DGKB: variants seen among roughly 807,000 people sequenced by gnomAD.
DGKB encodes the protein 90 kDa diacylglycerol kinase.
DGKB carries 67 observed loss-of-function variants against 114.3 expected under a neutral mutation model. The ratio of observed to expected loss-of-function variants is 0.59; its 90% CI spans 0.48 to 0.72. The LOEUF is 0.72. DGKB is among the 30% of genes least tolerant of loss of function. The pLI, the probability that DGKB is intolerant of heterozygous loss-of-function variation, is 0.00. For missense variants in DGKB, 907 were observed against 975.2 expected (o/e 0.93, Z 0.93); for synonymous variants, 398 against 323.1 (o/e 1.23, Z -2.49).
At chr7:14,714,776 CAAATAAG>C in intron 6 of DGKB, among the ~76,000 whole-genome samples, 1 of 152,054 alleles carries the variant, frequency 6.6e-6, no homozygotes, top group African/African-American at 2.4e-5. Context: ...AGTATAGGAG[CAAATAAG>C]TTGAATGTCT....
intron 13 of DGKB, among the ~76,000 whole-genome samples, chr7:14,672,646 A>C (rs1819156551): frequency 6.6e-6 from 1 of 152,056 alleles, no homozygotes; most frequent in Non-Finnish European, 1.5e-5. Context: ...TAAAATGTTG[A>C]AGTCTTCTGC....
chr7:14,519,145 A>C (rs1235595794), intron 20 of DGKB, among the ~76,000 whole-genome samples: 3 of 152,114 alleles, frequency 2.0e-5, no homozygotes, highest in Non-Finnish European at 2.9e-5. Flanking sequence ...ACAATTCAAT[A>C]TTTTTTGGTA....
chr7:14,725,748 A>G (rs1829927036), intron 5 of DGKB, among the ~76,000 whole-genome samples: 1 of 152,038 alleles, frequency 6.6e-6, no homozygotes, highest in Non-Finnish European at 1.5e-5. Context: ...GAGTTTCACC[A>G]TGTTGGCCAG....
chr7:14,801,758 C>T lies in DGKB; in HGVS notation c.70+39436G>A, dbSNP rs114894077. The stretch of plus-strand genomic sequence containing the variant: ...AGCTTGTAGAAGGCACATTGAGGGA[C>T]TTTACAACCTCCATAATCTTATTAG... On this transcript the variant is annotated intron_variant, in intron 2 of 25. Transcript: ENST00000402815. 4.6e-3 allele frequency among the ~76,000 whole-genome samples: 702 copies of T among 151,996 alleles called. 4 individuals carry two copies. Among genetic ancestry groups the T allele is most frequent in the African/African-American group, 0.016 (671 of 41,450 alleles).
At chr7:14,285,275 C>T (rs1256762528) in intron 23 of DGKB, among the ~76,000 whole-genome samples, 1 of 152,182 alleles carries the variant, frequency 6.6e-6, no homozygotes, top group Admixed American at 6.5e-5. Flanking sequence ...AGACGTGCAA[C>T]TTACTAGCTT....
At chr7:14,660,652 C>T (rs1328618807) in intron 13 of DGKB, among the ~76,000 whole-genome samples, 1 of 151,468 alleles carries the variant, frequency 6.6e-6, no homozygotes, top group South Asian at 2.1e-4. Context: ...AATTTTGATG[C>T]CATCCCCATC....
intron 13 of DGKB, among the ~76,000 whole-genome samples, chr7:14,664,821 A>G (rs915303959): frequency 2.0e-5 from 3 of 151,830 alleles, no homozygotes; most frequent in Non-Finnish European, 4.4e-5. Context: ...ATTGCAGGAA[A>G]GAAGACAACT....
chr7:14,655,276 ATATAAAAAATGT>A lies in DGKB; in HGVS notation c.1134+17641_1134+17652del, dbSNP rs113845707. Among the ~76,000 whole-genome samples, 705 of 151,978 alleles carry A rather than the reference ATATAAAAAATGT, an allele frequency of 4.6e-3. 2 individuals are homozygous for A. The highest frequency in any genetic ancestry group is 0.016 in the African/African-American group (648 of 41,536). On this transcript the variant is annotated intron_variant, in intron 13 of 25. Transcript: ENST00000402815. ...GAAGAAATACAAATGGCCAAAAAGT[ATATAAAAAATGT>A]TCAGCATCACTAATCATCAGGGAAA...
At chr7:14,314,029 C>G (rs1197920369) in intron 23 of DGKB, among the ~76,000 whole-genome samples, 1 of 152,204 alleles carries the variant, frequency 6.6e-6, no homozygotes, top group Non-Finnish European at 1.5e-5. Flanking sequence ...CACACTGACA[C>G]CTCACACTGC....
intron 23 of DGKB, among the ~76,000 whole-genome samples, chr7:14,266,464 C>T (rs1264353437): frequency 6.6e-6 from 1 of 152,092 alleles, no homozygotes. Context: ...TTAAAGAAAG[C>T]TAATATATTG....
chr7:14,532,538 T>A (rs1791765217), intron 20 of DGKB, among the ~76,000 whole-genome samples: 2 of 151,434 alleles, frequency 1.3e-5, no homozygotes, highest in Non-Finnish European at 3.0e-5. Context: ...GTGTTAGAGA[T>A]GCACAGTTAT....
chr7:14,522,335 C>G (rs545130019), intron 20 of DGKB, among the ~76,000 whole-genome samples: 6 of 152,258 alleles, frequency 3.9e-5, no homozygotes, highest in Non-Finnish European at 7.4e-5. Flanking sequence ...TGCACATAAA[C>G]TCCAGTCAAC....
chr7:14,219,340 T>G (rs1371120826), intron 23 of DGKB, among the ~76,000 whole-genome samples: 2 of 151,880 alleles, frequency 1.3e-5, no homozygotes, highest in Non-Finnish European at 2.9e-5. Context: ...TTTGATAAAC[T>G]TGAAAGAATG....
At chr7:14,972,683 A>G (rs1423636445) in intron 1 of DGKB, among the ~76,000 whole-genome samples, 1 of 152,000 alleles carries the variant, frequency 6.6e-6, no homozygotes, top group Non-Finnish European at 1.5e-5. Context: ...AAAAAAAAAA[A>G]AAGACAAAAT....
chr7:14,546,774 T>C (rs1443225685), intron 20 of DGKB, among the ~76,000 whole-genome samples: 4 of 152,188 alleles, frequency 2.6e-5, no homozygotes, highest in Non-Finnish European at 5.9e-5. Context: ...ATTAATGATG[T>C]TGTTAAGTTT....
At chr7:14,754,036 G>C (rs1834500067) in intron 3 of DGKB, 88 bp from the exon 4 acceptor site, 1 of 978,038 alleles carries the variant, frequency 1.0e-6, no homozygotes, top group Middle Eastern at 2.1e-4. Flanking sequence ...TTAGCTAAAA[G>C]TTCAAGTTTA....
chr7:14,651,199 G>C (rs1282352406), intron 13 of DGKB, among the ~76,000 whole-genome samples: 3 of 152,132 alleles, frequency 2.0e-5, no homozygotes, highest in Non-Finnish European at 4.4e-5. Context: ...AACAAAAAAA[G>C]AGAATTTTAG....
intron 23 of DGKB, among the ~76,000 whole-genome samples, chr7:14,180,159 G>A (rs757378996): frequency 6.6e-6 from 1 of 150,908 alleles, no homozygotes; most frequent in Non-Finnish European, 1.5e-5. Context: ...ACTGGAGTTC[G>A]CATTTAGTAT....
At chr7:14,253,489 G>C (rs189308628) in intron 23 of DGKB, among the ~76,000 whole-genome samples, 7 of 152,040 alleles carry the variant, frequency 4.6e-5, no homozygotes, top group Non-Finnish European at 1.0e-4. Flanking sequence ...CTAACAATTC[G>C]TTAAGGGCCC....
Sources: allele counts gnomAD v4.1 joint callset (sites outside exome capture counted in the v4.1 genomes callset), GRCh38; gene constraint gnomAD v4.1.1; transcripts MANE v1.5; gene names NCBI Gene and HGNC (gene_info 2026-07-23, HGNC 2026-07-21).